The following RALGAPA1 variants were observed in gnomAD, a reference collection of about 807,000 sequenced individuals.
The protein encoded by RALGAPA1 is Ral GTPase activating protein catalytic subunit alpha 1.
A neutral mutation model predicts 269.6 loss-of-function variants in RALGAPA1; 52 were observed. That is an observed-to-expected ratio of 0.19 (90% CI 0.15 to 0.24). The LOEUF (loss-of-function observed/expected upper bound fraction) is 0.24, where lower values mean the gene tolerates loss of function less well. RALGAPA1 is among the 10% of genes least tolerant of loss of function. The pLI is 1.00. For missense variants in RALGAPA1, 1,917 were observed against 3,013.9 expected, an observed-to-expected ratio of 0.64 and a Z score of 8.52; for synonymous variants, 817 against 1,008.3, an observed-to-expected ratio of 0.81 and a Z score of 3.60.
intron 6 of RALGAPA1, among the ~76,000 whole-genome samples, chr14:35,758,607 G>A (rs918860206): frequency 6.6e-6 from 1 of 152,130 alleles, no homozygotes; most frequent in Admixed American, 6.5e-5. Context: ...GTGTGGTGGT[G>A]TGCATCTGCA....
intron 16 of RALGAPA1, among the ~76,000 whole-genome samples, chr14:35,714,292 C>T (rs778393500): frequency 7.2e-5 from 11 of 152,138 alleles, no homozygotes; most frequent in Non-Finnish European, 1.5e-4. Flanking sequence ...CTCACCAACA[C>T]TTAATATTCG....
chr14:35,766,380 G>A (rs10129696), intron 4 of RALGAPA1: 345,475 of 1,469,458 alleles, frequency 0.24, 53,906 homozygotes, highest in African/African-American at 0.68. Context: ...AGGTATTCCA[G>A]AGGAATATCT....
At chr14:35,599,178 CA>C (rs1254523358) in intron 36 of RALGAPA1, among the ~76,000 whole-genome samples, 1 of 152,130 alleles carries the variant, frequency 6.6e-6, no homozygotes, top group African/African-American at 2.4e-5. Context: ...ACACATTAGA[CA>C]GTGTTATAAT....
chr14:35,754,877 GAAGA>G (rs1366412491), intron 7 of RALGAPA1, among the ~76,000 whole-genome samples: 1 of 152,068 alleles, frequency 6.6e-6, no homozygotes, highest in Non-Finnish European at 1.5e-5. Context: ...ACACATACAA[GAAGA>G]TAGACAATTC....
intron 16 of RALGAPA1, chr14:35,715,748 A>G (rs939752082): frequency 1.0e-6 from 1 of 985,356 alleles, no homozygotes; most frequent in African/African-American, 1.7e-5. Context: ...CCAATTTAAC[A>G]TGGAAGTCTT....
chr14:35,748,036 G>A (rs2072288450), intron 10 of RALGAPA1, among the ~76,000 whole-genome samples: 1 of 151,914 alleles, frequency 6.6e-6, no homozygotes, highest in African/African-American at 2.4e-5. Flanking sequence ...ATTTACTGAT[G>A]ATAGAGTGGA....
chr14:35,645,980 G>A (rs904324829), intron 31 of RALGAPA1, among the ~76,000 whole-genome samples: 4 of 152,068 alleles, frequency 2.6e-5, no homozygotes, highest in African/African-American at 9.7e-5. Flanking sequence ...CACTGGCTAA[G>A]TATGAGACAT....
intron 3 of RALGAPA1, among the ~76,000 whole-genome samples, chr14:35,774,251 T>C (rs1271326223): frequency 1.3e-5 from 2 of 152,172 alleles, no homozygotes; most frequent in African/African-American, 2.4e-5. Context: ...CCAGACAGAA[T>C]AGCTCAATCT....
In RALGAPA1 at chr14:35,627,462, C is replaced by T. The variant is rs1179296280; in HGVS notation, c.6485G>A (p.Gly2162Glu). 3 of 1,613,340 alleles carry T rather than the reference C, an allele frequency of 1.9e-6. No individual in the cohort carries two copies. In the African/African-American group the frequency reaches 4.0e-5, roughly 22 times the overall value. The change falls in exon 34 of 42, where the codon GGA becomes GAA. Residue 2162 changes from glycine to glutamate, a missense_variant. Gly to Glu is a moderately conservative substitution (Grantham distance 98, BLOSUM62 -2). Around this residue, in one of 11 missense-constraint regions of RALGAPA1, gnomAD observed 25 missense variants for 19.2 expected, o/e 1.30. Coordinates refer to ENST00000680220, the MANE Select transcript of RALGAPA1 (RefSeq NM_001346249.2). ...ECLEDITVKDGLSLQFKRFRE... is the reference protein window; with the variant it reads ...ECLEDITVKDELSLQFKRFRE... ...AAATCTTTTAAACTGGAGAGAAAGTCCATCTTTTACGGTTATATCTTCTAA... is the reference window on the plus strand; with the variant it reads ...AAATCTTTTAAACTGGAGAGAAAGTTCATCTTTTACGGTTATATCTTCTAA...
At position 35,748,596 on chromosome 14, in the gene RALGAPA1, T is replaced by A. The variant is rs780435264; in HGVS notation, c.1240A>T (p.Ile414Leu). The A allele has an allele frequency of 2.5e-6, 4 of 1,607,252 alleles. No homozygotes were observed. The highest frequency in any genetic ancestry group is 2.7e-5 in the African/African-American group (2 of 74,582). Residue 414 changes from isoleucine (I) to leucine (L), a missense_variant, in exon 10 of 42, where the codon ATA becomes TTA. By Grantham distance (5) the Ile-to-Leu change is conservative. Transcript: ENST00000680220. ...KRSNVNFVTE[I>L]FRQAFLLPIC... ...GAGAGGTATGTTACCTGACGAAATATCTCTGTCACAAAGTTTACATTACTC... is the reference window on the plus strand; with the variant it reads ...GAGAGGTATGTTACCTGACGAAATAACTCTGTCACAAAGTTTACATTACTC...
intron 33 of RALGAPA1, among the ~76,000 whole-genome samples, chr14:35,632,957 T>C (rs941960617): frequency 1.3e-5 from 2 of 152,186 alleles, no homozygotes; most frequent in African/African-American, 2.4e-5. Context: ...CCTAAAAGGT[T>C]CTGCATTTAT....
At chr14:35,762,224 T>G (rs370207031) in intron 5 of RALGAPA1, among the ~76,000 whole-genome samples, 30 of 152,148 alleles carry the variant, frequency 2.0e-4, no homozygotes, top group Middle Eastern at 3.4e-3. Flanking sequence ...TAGAATGGTT[T>G]GTCAAACAAA....
intron 7 of RALGAPA1, among the ~76,000 whole-genome samples, chr14:35,752,553 A>G (rs2072816578): frequency 6.6e-6 from 1 of 152,206 alleles, no homozygotes; most frequent in Admixed American, 6.5e-5. Context: ...AGACGATCAG[A>G]GCCTGACACA....
chr14:35,587,565 T>C (rs1032000690), intron 37 of RALGAPA1, among the ~76,000 whole-genome samples: 1 of 152,184 alleles, frequency 6.6e-6, no homozygotes, highest in African/African-American at 2.4e-5. Context: ...TCATGTCCTT[T>C]GCAGGGACAT....
chr14:35,721,897 A>T, intron 15 of RALGAPA1, 48 bp from the exon 16 acceptor site: 4 of 1,509,470 alleles, frequency 2.6e-6, no homozygotes, highest in Non-Finnish European at 3.7e-6. Flanking sequence ...TTGATCAATA[A>T]TATCTTCAAG....
rs1336342279 is a variant in RALGAPA1 at position 35,725,114 on chromosome 14, A to G, written c.1776T>C (p.Ser592=). The change falls in exon 14 of 42, where the codon TCT becomes TCC. Residue 592 remains serine (S), a synonymous_variant. Transcript: ENST00000680220. ...MLLVLLRVTE[S]VLKMPSQAFL... is the part of the protein sequence containing the mutation. ...AAGCTTGTGATGGCATCTTCAGTAC[A>G]GATTCCGTGACTCTGAGCAACACAA... 3 of 1,603,914 alleles carry G rather than the reference A, an allele frequency of 1.9e-6. No individual in the cohort carries two copies. The highest frequency in any genetic ancestry group is 1.1e-5 in the South Asian group (1 of 89,000).
At chr14:35,648,388 C>T (rs958817670) in intron 31 of RALGAPA1, among the ~76,000 whole-genome samples, 11 of 150,014 alleles carry the variant, frequency 7.3e-5, no homozygotes, top group African/African-American at 2.7e-4. Context: ...ATCACTTGAA[C>T]CTAGGAGGCG....
intron 31 of RALGAPA1, among the ~76,000 whole-genome samples, chr14:35,640,546 A>T (rs191468699): frequency 7.9e-5 from 12 of 152,316 alleles, no homozygotes; most frequent in Non-Finnish European, 1.8e-4. Context: ...TCATGAAGAA[A>T]TGCAAAACCT....
At chr14:35,691,054 A>G (rs1190573357) in intron 17 of RALGAPA1, among the ~76,000 whole-genome samples, 1 of 151,506 alleles carries the variant, frequency 6.6e-6, no homozygotes, top group Non-Finnish European at 1.5e-5. Context: ...GGGCAACAAG[A>G]GCAAAACTCC....
Sources: allele counts gnomAD v4.1 joint callset (sites outside exome capture counted in the v4.1 genomes callset), GRCh38; gene constraint gnomAD v4.1.1; regional missense constraint gnomAD v4.1.1; transcripts MANE v1.5; gene names NCBI Gene and HGNC (gene_info 2026-07-23, HGNC 2026-07-21).